Variants in IL4I1 observed in about 807,000 individuals in gnomAD.
IL4I1 encodes interleukin 4 induced 1, also known as L-amino-acid oxidase.
In IL4I1, 24 loss-of-function variants were observed where a neutral mutation model predicts 29.7. The observed-to-expected ratio is 0.81, with a 90% confidence interval of 0.59 to 1.14. The LOEUF (loss-of-function observed/expected upper bound fraction) is 1.14, where lower values mean the gene tolerates loss of function less well. Among genes scored for constraint, IL4I1 ranks in the 50% most tolerant of loss-of-function variants. IL4I1 has a pLI of 0.00. For missense variants in IL4I1, 686 were observed against 785.6 expected, an observed-to-expected ratio of 0.87 and a Z score of 1.52; for synonymous variants, 371 against 352.5, an observed-to-expected ratio of 1.05 and a Z score of -0.59.
chr19:49,914,335 T>G (rs1466800960), intron 2 of IL4I1, among the ~76,000 whole-genome samples: 1 of 152,040 alleles, frequency 6.6e-6, no homozygotes. Flanking sequence ...GAGGGAGTGT[T>G]GCATTTCCAG....
intron 2 of IL4I1, chr19:49,908,900 G>A: frequency 6.2e-7 from 1 of 1,608,616 alleles, no homozygotes; most frequent in Non-Finnish European, 8.5e-7. Flanking sequence ...TGTATTGCTG[G>A]GGATCCCGGC....
rs751639263 is a variant in IL4I1, at chr19:49,891,435, C to T, written c.606G>A (p.Ala202=). The change falls in exon 6 of 8, where the codon GCG becomes GCA. Residue 202 remains alanine, a synonymous_variant. Coordinates refer to ENST00000391826, the MANE Select transcript of IL4I1 (RefSeq NM_152899.2). The part of the protein sequence containing the change: ...KDLKALGCRK[A]MKKFERHTLL... Reference sequence around the variant, plus strand: ...GCGTGTGCCTTTCAAACTTCTTCATCGCCTTTCTGCAGCCCAGTGCCTTGA... The same window carrying T: ...GCGTGTGCCTTTCAAACTTCTTCATTGCCTTTCTGCAGCCCAGTGCCTTGA... 6.2e-7 allele frequency: 1 copy of T among 1,614,068 alleles called. No individual in the cohort carries two copies. Among genetic ancestry groups the T allele is most frequent in the African/African-American group, 1.3e-5 (1 of 74,938 alleles).
At chr19:49,926,778 T>C (rs952511783) in intron 2 of IL4I1, among the ~76,000 whole-genome samples, 17 of 152,172 alleles carry the variant, frequency 1.1e-4, no homozygotes, top group Admixed American at 2.0e-4. Context: ...CAGCACCTAC[T>C]GTGTCCCAGG....
In IL4I1 at chr19:49,916,198, C is replaced by T. The variant is rs1046308437; in HGVS notation, c.-228+11496G>A. Among the ~76,000 whole-genome samples the T allele has an allele frequency of 2.0e-5, 3 of 152,160 alleles. 1 individual carries two copies. Among genetic ancestry groups the T allele is most frequent in the Middle Eastern group, 6.8e-3 (2 of 294 alleles). On this transcript the variant is annotated intron_variant, in intron 2 of 9. Transcript: ENST00000341114. ...CCAAGTCTTGACATTCTGCCTGGGA[C>T]GGGAGAGTTTCATTGAGGAAAAGAT... is the stretch of plus-strand genomic sequence containing the variant.
At chr19:49,900,434 C>T (rs1300018105), upstream of IL4I1, among the ~76,000 whole-genome samples, 6 of 152,132 alleles carry the variant, frequency 3.9e-5, no homozygotes, top group South Asian at 2.1e-4. Context: ...TACAGGTGCG[C>T]GCACCACCAC....
At chr19:49,914,984 C>T (rs1209879682) in intron 2 of IL4I1, among the ~76,000 whole-genome samples, 1 of 151,918 alleles carries the variant, frequency 6.6e-6, no homozygotes, top group Non-Finnish European at 1.5e-5. Flanking sequence ...AGGTGATCTG[C>T]CCACCTTGGC....
intron 2 of IL4I1, chr19:49,913,172 AG>A (rs1259212280): frequency 6.6e-6 from 1 of 152,450 alleles, no homozygotes; most frequent in Admixed American, 6.5e-5. Context: ...GTGTGAAGAC[AG>A]GGAGGCCCAC....
upstream of IL4I1, chr19:49,901,487 C>T: frequency 2.1e-6 from 1 of 470,620 alleles, no homozygotes; most frequent in Non-Finnish European, 3.6e-6. Context: ...TCAGGGGGTC[C>T]AGGCCCAGAT....
chr19:49,890,281 G>C lies in IL4I1; in HGVS notation c.1093C>G (p.Arg365Gly). ...VFLSFRRPFWREEHIEGGHSN... is the reference protein window; with the variant it reads ...VFLSFRRPFWGEEHIEGGHSN... ...TGGCCGCCTTCAATGTGCTCCTCGCGCCAGAAGGGCCTGCGGAAGCTTAGG... is the reference window on the plus strand; with the variant it reads ...TGGCCGCCTTCAATGTGCTCCTCGCCCCAGAAGGGCCTGCGGAAGCTTAGG... The change falls in exon 8 of 8, where the codon CGC (arginine) becomes GGC (glycine). Residue 365 changes from arginine to glycine, a missense_variant. Physicochemically the swap from Arg to Gly is moderately radical, Grantham distance 125. Transcript: ENST00000391826. 1 of 1,595,264 alleles carries C rather than the reference G, an allele frequency of 6.3e-7. No homozygotes were observed. Among genetic ancestry groups the C allele is most frequent in the South Asian group, 1.1e-5 (1 of 88,712 alleles).
rs2075313424 is a variant in IL4I1, at chr19:49,905,703, T to G, written c.-227-1382A>C. On this transcript the variant is annotated intron_variant, in intron 2 of 9. Coordinates refer to the IL4I1 transcript ENST00000341114. ...CCTCCACCTCTCGGGTTCAAGCGAT[T>G]CTCCTGCCACAGCCTCCCGAGTAGC... is the stretch of plus-strand genomic sequence containing the variant. Among the ~76,000 whole-genome samples, 2 of 152,058 alleles carry G rather than the reference T, an allele frequency of 1.3e-5. 1 individual carries two copies. Among genetic ancestry groups the G allele is most frequent in the South Asian group, 4.1e-4 (2 of 4,830 alleles).
chr19:49,890,937 C>CCCCCCCCCCCCCCCG, intron 7 of IL4I1, 34 bp downstream of exon 7: 1 of 160,026 alleles, frequency 6.2e-6, no homozygotes, highest in Admixed American at 9.0e-5. Flanking sequence ...TTGCCCCCCG[C>CCCCCCCCCCCCCCCG]CCCCCCCCCC....
At chr19:49,909,305 G>T in intron 2 of IL4I1, 2 of 1,614,096 alleles carry the variant, frequency 1.2e-6, no homozygotes, top group Non-Finnish European at 1.7e-6. Context: ...GAAACCGGAG[G>T]GTTGGGCCGT....
rs377312361 is a variant in IL4I1 at position 49,896,520 on chromosome 19, C to T, written c.-23+315G>A. Reference sequence around the variant, plus strand: ...TAAGATCTTGGCTCACTGCAACCTCCGCCTCCCAGGTTCAAGAATCCTCCC... The same window carrying T: ...TAAGATCTTGGCTCACTGCAACCTCTGCCTCCCAGGTTCAAGAATCCTCCC... On this transcript the variant is annotated intron_variant, in intron 1 of 7. Transcript: ENST00000391826. 2.9e-4 allele frequency among the ~76,000 whole-genome samples: 44 copies of T among 152,100 alleles called. No homozygotes were observed. The East Asian group carries it at 5.6e-3, about 19-fold the overall frequency.
intron 3 of IL4I1, among the ~76,000 whole-genome samples, chr19:49,903,995 C>G (rs539579212): frequency 6.7e-6 from 1 of 150,204 alleles, no homozygotes; most frequent in Non-Finnish European, 1.5e-5. Context: ...GGAGCCACTA[C>G]GCCAGGCTAA....
Position 49,889,976 on chromosome 19 carries a change from CT to C in IL4I1, c.1397del (p.Lys466ArgfsTer?). The C allele has an allele frequency of 1.3e-6, 2 of 1,574,338 alleles. No individual in the cohort carries two copies. Among genetic ancestry groups the C allele is most frequent in the South Asian group, 2.3e-5 (2 of 86,942 alleles). Reference sequence around the variant, plus strand: ...GGCCATAAGGGACCGTCCAGTCATCCTTTTCGGTTTGCCAGAGCGCCGGCGG... The same window carrying C: ...GGCCATAAGGGACCGTCCAGTCATCCTTTCGGTTTGCCAGAGCGCCGGCGG... ...VQPPALWQTE[K>X]DDWTVPYGRI... On this transcript the variant is annotated frameshift_variant, in exon 8 of 8. Transcript: ENST00000391826. LOFTEE classifies it low-confidence loss of function (END_TRUNC).
At chr19:49,923,012 G>A (rs748127230) in intron 2 of IL4I1, among the ~76,000 whole-genome samples, 5 of 152,202 alleles carry the variant, frequency 3.3e-5, no homozygotes, top group African/African-American at 9.7e-5. Context: ...ACCACTAAGC[G>A]GTGAGTGATG....
chr19:49,890,952 C>G lies in IL4I1; in HGVS notation c.773+19G>C. The stretch of plus-strand genomic sequence containing the variant: ...TTGCCCCCCGCCCCCCCCCCCTGCC[C>G]GCCAGCCCCGCCCCTTACTGGAGTC... On this transcript the variant is annotated intron_variant, in intron 7 of 7. Transcript: ENST00000391826. The G allele has an allele frequency of 8.2e-7, 1 of 1,223,244 alleles. No homozygotes were observed. Among genetic ancestry groups the G allele is most frequent in the Non-Finnish European group, 1.1e-6 (1 of 921,330 alleles). 75.8% of individuals were successfully genotyped at this position (1,223,244 alleles called of 1,614,324 possible).
intron 2 of IL4I1, among the ~76,000 whole-genome samples, chr19:49,922,088 C>G (rs754103394): frequency 6.6e-6 from 1 of 152,224 alleles, no homozygotes; most frequent in Non-Finnish European, 1.5e-5. Context: ...GACCAAACAC[C>G]CCTCCTGACT....
At chr19:49,924,349 C>T (rs1253804174) in intron 2 of IL4I1, among the ~76,000 whole-genome samples, 1 of 152,212 alleles carries the variant, frequency 6.6e-6, no homozygotes, top group Non-Finnish European at 1.5e-5. Flanking sequence ...CCCTCCCTCT[C>T]CACACCACCC....
Sources: gnomAD v4.1 joint callset for allele counts (sites outside exome capture counted in the v4.1 genomes callset) on GRCh38, gnomAD v4.1.1 for gene constraint, MANE v1.5 for transcripts, NCBI Gene and HGNC (gene_info 2026-07-23, HGNC 2026-07-21) for gene names.